The following MAP2K5 variants were observed in gnomAD, a reference collection of about 807,000 sequenced individuals.
The protein encoded by MAP2K5 is dual specificity mitogen-activated protein kinase kinase 5.
Under a neutral mutation model 83.1 loss-of-function variants are expected in MAP2K5, and 49 were observed. That is an observed-to-expected ratio of 0.59 (90% CI 0.47 to 0.75). The LOEUF is 0.75. MAP2K5 is among the 30% of genes least tolerant of loss of function. MAP2K5 has a pLI of 0.00. For missense variants in MAP2K5, 457 were observed against 557.5 expected, an observed-to-expected ratio of 0.82 and a Z score of 1.82; for synonymous variants, 202 against 191.8, an observed-to-expected ratio of 1.05 and a Z score of -0.44.
At chr15:67,624,257 T>C (rs1311430501) in intron 8 of MAP2K5, among the ~76,000 whole-genome samples, 3 of 142,198 alleles carry the variant, frequency 2.1e-5, no homozygotes, top group African/African-American at 7.9e-5. Context: ...GAGAATGGTG[T>C]GAACCCGGGA....
At position 67,652,769 on chromosome 15, in the gene MAP2K5, A is replaced by G. The variant is rs973687234; in HGVS notation, c.737-5784A>G. ...TTTTGTCTTGCAAAACTGAAACTCT[A>G]TACCTATTAAATAAGAACTCCTCAT... On this transcript the variant is annotated intron_variant, in intron 11 of 21. Transcript: ENST00000178640. This position sits in a 1 kb window ranked among gnomAD's most constrained non-coding sequence, Gnocchi z 4.2. 8.5e-5 allele frequency among the ~76,000 whole-genome samples: 13 copies of G among 152,264 alleles called. No individual in the cohort carries two copies. The highest frequency in any genetic ancestry group is 6.5e-4 in the Admixed American group (10 of 15,282).
At chr15:67,661,164 C>T (rs1335484983) in intron 12 of MAP2K5, among the ~76,000 whole-genome samples, 1 of 151,536 alleles carries the variant, frequency 6.6e-6, no homozygotes, top group Non-Finnish European at 1.5e-5. Flanking sequence ...TTTTTTTCCC[C>T]CAAAGGAATT....
At position 67,565,979 on chromosome 15, in the gene MAP2K5, C is replaced by A. The variant is rs142019706; in HGVS notation, c.252+2629C>A. Among the ~76,000 whole-genome samples, 24 of 152,186 alleles carry A rather than the reference C, an allele frequency of 1.6e-4. No homozygotes were observed. The highest frequency in any genetic ancestry group is 5.5e-4 in the African/African-American group (23 of 41,502). On this transcript the variant is annotated intron_variant, in intron 3 of 21. Transcript: ENST00000178640. This position sits in a 1 kb window ranked among gnomAD's most constrained non-coding sequence, Gnocchi z 4.1. ...TTTAAGGAGAACCATTTGGACGTAA[C>A]CTTACAGTAGGTTTTGATTGGTAGT...
rs2086645625 is a variant in MAP2K5 at position 67,638,238 on chromosome 15, A to G, written c.585+7311A>G. Among the ~76,000 whole-genome samples, 1 of 152,076 alleles carries G rather than the reference A, an allele frequency of 6.6e-6. No individual in the cohort carries two copies. The highest frequency in any genetic ancestry group is 2.4e-5 in the African/African-American group (1 of 41,408). On this transcript the variant is annotated intron_variant, in intron 9 of 21. Transcript: ENST00000178640. This position sits in a 1 kb window ranked among gnomAD's most constrained non-coding sequence, Gnocchi z 4.5. ...TCCCCACTTCACCCTCCACCTTCTG[A>G]TAGGCCACAGTGTGTGGTGTTTCCC...
intron 4 of MAP2K5, 123 bp downstream of exon 4, chr15:67,580,946 G>C: frequency 1.5e-6 from 1 of 685,694 alleles, no homozygotes; most frequent in Non-Finnish European, 2.6e-6. Flanking sequence ...AAAAACAAAA[G>C]AAGTATTCAT....
intron 3 of MAP2K5, among the ~76,000 whole-genome samples, chr15:67,568,369 A>G (rs1181367198): frequency 2.0e-5 from 3 of 152,218 alleles, no homozygotes; most frequent in Non-Finnish European, 4.4e-5. Flanking sequence ...CTTTATCCTA[A>G]TATACATAAC....
In MAP2K5 at chr15:67,793,688, C is replaced by CTATA. The variant is rs2090555613; in HGVS notation, c.1243-12957_1243-12954dup. On this transcript the variant is annotated intron_variant, in intron 21 of 21. Transcript: ENST00000178640. The surrounding 1 kb of genome is among the most constrained non-coding windows in gnomAD (Gnocchi z 4.6). Reference sequence around the variant, plus strand: ...GATAAGGGTGTCAAAGTATAGTGGTCTATAGATTGTAAAGTGCCCCTAGAT... The same window carrying CTATA: ...GATAAGGGTGTCAAAGTATAGTGGTCTATATATAGATTGTAAAGTGCCCCTAGAT... Among the ~76,000 whole-genome samples the CTATA allele has an allele frequency of 6.6e-6, 1 of 152,150 alleles. No homozygotes were observed. The highest frequency in any genetic ancestry group is 1.5e-5 in the Non-Finnish European group (1 of 68,022).
At chr15:67,601,057 A>G (rs1344992080) in intron 8 of MAP2K5, among the ~76,000 whole-genome samples, 1 of 151,930 alleles carries the variant, frequency 6.6e-6, no homozygotes, top group African/African-American at 2.4e-5. Flanking sequence ...CACTATTATT[A>G]TTATTTTTTA....
intron 3 of MAP2K5, among the ~76,000 whole-genome samples, chr15:67,564,623 T>TTA (rs1454835092): frequency 6.6e-6 from 1 of 152,208 alleles, no homozygotes; most frequent in African/African-American, 2.4e-5. Flanking sequence ...TCGCATTAAC[T>TTA]TATGTGAGAG....
At chr15:67,589,783 A>ATGTGTGTGTGTGTG (rs10584480) in intron 6 of MAP2K5, among the ~76,000 whole-genome samples, 1 of 150,248 alleles carries the variant, frequency 6.7e-6, no homozygotes, top group Non-Finnish European at 1.5e-5. Context: ...GTGTGTGTGT[A>ATGTGTGTGTGTGTG]TGTGTGTGTG....
Position 67,543,306 on chromosome 15 carries a change from A to G in MAP2K5, c.-30A>G. 2 of 1,613,294 alleles carry G rather than the reference A, an allele frequency of 1.2e-6. No homozygotes were observed. The highest frequency in any genetic ancestry group is 1.7e-6 in the Non-Finnish European group (2 of 1,179,720). On this transcript the variant is annotated 5_prime_UTR_variant, in exon 1 of 22. It adds an upstream start codon to the 5' untranslated region. Transcript: ENST00000178640. The surrounding 1 kb of genome is among the most constrained non-coding windows in gnomAD (Gnocchi z 4.3). ...AACCAGCGGCCAGTGGGTTTCCCAT[A>G]CCCCAGGATGTGAGCCTCTTTAACC...
In MAP2K5 at chr15:67,779,406, A is replaced by G. The variant is rs927532385; in HGVS notation, c.1242+6654A>G. ...ATTTTTGATGACACATTAGCACTTC[A>G]GCAAGAACAGAGAGATTATAACCCT... is the stretch of plus-strand genomic sequence containing the variant. On this transcript the variant is annotated intron_variant, in intron 21 of 21. Transcript: ENST00000178640. This position sits in a 1 kb window ranked among gnomAD's most constrained non-coding sequence, Gnocchi z 4.6. 6.6e-6 allele frequency among the ~76,000 whole-genome samples: 1 copy of G among 152,266 alleles called. No homozygotes were observed. The highest frequency in any genetic ancestry group is 1.5e-5 in the Non-Finnish European group (1 of 68,044).
intron 13 of MAP2K5, among the ~76,000 whole-genome samples, chr15:67,691,637 T>C (rs1463324818): frequency 6.6e-6 from 1 of 152,234 alleles, no homozygotes; most frequent in Admixed American, 6.5e-5. Flanking sequence ...AAGCAGATGC[T>C]GCTCTATACC....
At chr15:67,700,861 C>G (rs1443936647) in intron 15 of MAP2K5, among the ~76,000 whole-genome samples, 1 of 151,300 alleles carries the variant, frequency 6.6e-6, no homozygotes, top group African/African-American at 2.4e-5. Flanking sequence ...CAGAATCTGA[C>G]CCTTAAAAGA....
chr15:67,732,356 C>G (rs1398461946), intron 17 of MAP2K5, among the ~76,000 whole-genome samples: 3 of 152,188 alleles, frequency 2.0e-5, no homozygotes, highest in Admixed American at 6.5e-5. Flanking sequence ...AGGATGATAG[C>G]AAATCCATTA....
chr15:67,799,261 A>G (rs2090660434), intron 21 of MAP2K5, among the ~76,000 whole-genome samples: 1 of 152,286 alleles, frequency 6.6e-6, no homozygotes, highest in Non-Finnish European at 1.5e-5. Flanking sequence ...CATTCGTGGC[A>G]TTTGCCCAGG....
Position 67,772,700 on chromosome 15 carries a change from A to G in MAP2K5, c.1197-7A>G, listed in dbSNP as rs2090165543. 2 of 1,598,170 alleles carry G rather than the reference A, an allele frequency of 1.3e-6. No individual in the cohort carries two copies. Among genetic ancestry groups the G allele is most frequent in the East Asian group, 2.3e-5 (1 of 44,400 alleles). ...TAACATAAGGGGTTTTTTTCTCTCC[A>G]CTATAGTATGCGAAAACAGCCAAAA... On this transcript the variant is annotated splice_region_variant and splice_polypyrimidine_tract_variant and intron_variant, in intron 20 of 21. Coordinates refer to ENST00000178640, the MANE Select transcript of MAP2K5 (RefSeq NM_145160.3).
chr15:67,623,540 C>G, intron 8 of MAP2K5, among the ~76,000 whole-genome samples: 1 of 151,250 alleles, frequency 6.6e-6, no homozygotes, highest in Non-Finnish European at 1.5e-5. Flanking sequence ...CTCTTTAAGT[C>G]TGTTTTGGCA....
chr15:67,584,059 T>G (rs145788635), intron 4 of MAP2K5, among the ~76,000 whole-genome samples: 156 of 152,266 alleles, frequency 1.0e-3, no homozygotes, highest in Non-Finnish European at 1.3e-3. Flanking sequence ...ATAATTCTGA[T>G]GTAATAACAT....
Sources: gnomAD v4.1 joint callset for allele counts (sites outside exome capture counted in the v4.1 genomes callset) on GRCh38, gnomAD v4.1.1 for gene constraint, Gnocchi (gnomAD v3.1) non-coding constraint, MANE v1.5 for transcripts, NCBI Gene and HGNC (gene_info 2026-07-23, HGNC 2026-07-21) for gene names.